Variants in FBXO21 observed in about 807,000 individuals in gnomAD.
FBXO21 encodes F-box protein 21.
Under a neutral mutation model 76.6 loss-of-function variants are expected in FBXO21, and 32 were observed. The observed-to-expected ratio is 0.42, with a 90% CI of 0.32 to 0.56. The LOEUF (loss-of-function observed/expected upper bound fraction) is 0.56, where lower values mean the gene tolerates loss of function less well. Ranked by LOEUF, FBXO21 falls within the 20% of genes least tolerant of loss-of-function variation. FBXO21 has a pLI of 0.16. For missense variants in FBXO21, 586 were observed against 797.3 expected (o/e 0.73, Z 3.19); for synonymous variants, 328 against 311.5 (o/e 1.05, Z -0.56).
At chr12:117,164,278 T>C (rs914192301) in intron 9 of FBXO21, among the ~76,000 whole-genome samples, 7 of 99,252 alleles carry the variant, frequency 7.1e-5, no homozygotes, top group South Asian at 2.5e-4. Flanking sequence ...TCTTTTCTTT[T>C]TTTTTTTTTT....
chr12:117,165,552 G>A lies in FBXO21; in HGVS notation c.1259C>T (p.Pro420Leu), dbSNP rs753409877. ...GAGGAGGAGAAGCTGCACCTGGTCC[G>A]GGTACATTGCCAGATAGAGATCCAG... ...DSLDLYLAMYPDQVQLLLLQA... is the reference protein window; with the variant it reads ...DSLDLYLAMYLDQVQLLLLQA... Residue 420 changes from proline to leucine, a missense_variant, in exon 9 of 12, where the codon CCG becomes CTG. Pro to Leu is a moderately conservative substitution (Grantham distance 98, BLOSUM62 -3). Transcript: ENST00000622495. The A allele has an allele frequency of 1.9e-6, 3 of 1,613,876 alleles. No individual in the cohort carries two copies. The highest frequency in any genetic ancestry group is 2.5e-6 in the Non-Finnish European group (3 of 1,179,854).
intron 2 of FBXO21, chr12:117,188,652 TA>T (rs5801222): frequency 0.44 from 62,283 of 142,188 alleles, 14,006 homozygotes; most frequent in Admixed American, 0.58. Flanking sequence ...CTGCAATACT[TA>T]AAAAAAAAAA....
intron 4 of FBXO21, among the ~76,000 whole-genome samples, chr12:117,176,409 C>A (rs1956174233): frequency 6.6e-6 from 1 of 152,104 alleles, no homozygotes. Flanking sequence ...TAGACAATGG[C>A]CTGGCTGGAG....
rs1250042536 is a variant in FBXO21, at chr12:117,145,846, C to A, written c.*241G>T. 1 of 360,492 alleles carries A rather than the reference C, an allele frequency of 2.8e-6. No individual in the cohort carries two copies. The highest frequency in any genetic ancestry group is 5.0e-6 in the Non-Finnish European group (1 of 200,676). 22.3% of individuals were successfully genotyped at this position (360,492 alleles called of 1,614,324 possible). ...TGTCACCACAGGACAAGCATACAAGCCATGCCACTGACACAGTGCCTTTCA... is the reference window on the plus strand; with the variant it reads ...TGTCACCACAGGACAAGCATACAAGACATGCCACTGACACAGTGCCTTTCA... On this transcript the variant is annotated 3_prime_UTR_variant, in exon 12 of 12. Coordinates refer to ENST00000622495, the MANE Select transcript of FBXO21 (RefSeq NM_015002.3).
Position 117,155,773 on chromosome 12 carries a change from G to A in FBXO21, c.1675+18C>T. The A allele has an allele frequency of 6.2e-7, 1 of 1,606,740 alleles. No individual in the cohort carries two copies. ...CACGCCCGCGGGGCCACTGGCACAA[G>A]CGGAACCCGCCGCTTACCTTGGGCT... is the stretch of plus-strand genomic sequence containing the variant. On this transcript the variant is annotated intron_variant, in intron 11 of 11. Transcript: ENST00000622495.
At chr12:117,171,974 C>T (rs1266607102) in intron 7 of FBXO21, among the ~76,000 whole-genome samples, 2 of 152,208 alleles carry the variant, frequency 1.3e-5, no homozygotes, top group African/African-American at 4.8e-5. Flanking sequence ...TGAAGGGGAA[C>T]GTGGCCACCC....
intron 2 of FBXO21, 143 bp from the exon 3 acceptor site, chr12:117,186,714 T>G (rs931171897): frequency 8.0e-5 from 45 of 563,996 alleles, no homozygotes; most frequent in Non-Finnish European, 1.3e-4. Context: ...CTACCAGTCA[T>G]GGGTAGAAAA....
rs1382236678 is a variant in FBXO21 at position 117,144,078 on chromosome 12, A to G, written c.*2009T>C. On this transcript the variant is annotated 3_prime_UTR_variant, in exon 12 of 12. Coordinates refer to ENST00000622495, the MANE Select transcript of FBXO21 (RefSeq NM_015002.3). ...AGCCCCATGAAGCATTCATGAAGAA[A>G]GACATTTAAAAACAGTCTAGATACA... The G allele has an allele frequency of 6.6e-6, 1 of 152,632 alleles. No individual in the cohort carries two copies. The highest frequency in any genetic ancestry group is 1.5e-5 in the Non-Finnish European group (1 of 68,032). 9.5% of individuals were successfully genotyped at this position (152,632 alleles called of 1,614,324 possible).
intron 7 of FBXO21, among the ~76,000 whole-genome samples, chr12:117,169,925 A>T (rs1249481703): frequency 6.6e-6 from 1 of 152,218 alleles, no homozygotes; most frequent in African/African-American, 2.4e-5. Context: ...AAGAGAAAGA[A>T]ACAAATATAT....
rs773039757 is a variant in FBXO21 at position 117,189,369 on chromosome 12, GGAGA to G, written c.240-11_240-8del. ...TTTCATAAGGGAAGGCCACCTACGA[GGAGA>G]GAAACACCCCCTCAGCTTAACAGAA... is the stretch of plus-strand genomic sequence containing the variant. On this transcript the variant is annotated splice_region_variant and splice_polypyrimidine_tract_variant and intron_variant, in intron 1 of 11. Coordinates refer to ENST00000622495, the MANE Select transcript of FBXO21 (RefSeq NM_015002.3). The G allele has an allele frequency of 4.3e-6, 7 of 1,613,962 alleles. No individual in the cohort carries two copies. The highest frequency in any genetic ancestry group is 4.2e-6 in the Non-Finnish European group (5 of 1,180,002).
intron 1 of FBXO21, among the ~76,000 whole-genome samples, chr12:117,189,938 AGC>A (rs1437245659): frequency 6.6e-6 from 1 of 152,180 alleles, no homozygotes; most frequent in Non-Finnish European, 1.5e-5. Flanking sequence ...GCACAAAAGA[AGC>A]GCGCAAAAGG....
intron 6 of FBXO21, 109 bp downstream of exon 6, chr12:117,174,096 C>A: frequency 1.1e-6 from 1 of 908,582 alleles, no homozygotes; most frequent in South Asian, 1.6e-5. Flanking sequence ...ATGATCGCGC[C>A]ACTGCATTCC....
chr12:117,157,363 T>C (rs1446969090), intron 10 of FBXO21, among the ~76,000 whole-genome samples: 1 of 152,170 alleles, frequency 6.6e-6, no homozygotes, highest in African/African-American at 2.4e-5. Flanking sequence ...CTCAGGTAAG[T>C]ACACTTTTAA....
intron 9 of FBXO21, among the ~76,000 whole-genome samples, chr12:117,159,296 G>A (rs985660109): frequency 5.5e-5 from 8 of 146,326 alleles, no homozygotes; most frequent in African/African-American, 2.0e-4. Flanking sequence ...TCTTCAAATT[G>A]GGAGGATTAG....
At chr12:117,170,145 G>GAAAAA (rs58416861) in intron 7 of FBXO21, among the ~76,000 whole-genome samples, 3 of 64,684 alleles carry the variant, frequency 4.6e-5, no homozygotes, top group African/African-American at 6.2e-5. Context: ...ATTTACAACT[G>GAAAAA]AAAAAAAAAA....
Position 117,146,182 on chromosome 12 carries a change from C to T in FBXO21, c.1771G>A (p.Ala591Thr), listed in dbSNP as rs773253554. 17 of 1,613,906 alleles carry T rather than the reference C, an allele frequency of 1.1e-5. No homozygotes were observed. The highest frequency in any genetic ancestry group is 2.2e-5 in the South Asian group (2 of 91,068). ...EFTGTHYIPN[A>T]ELEIRYPEDL... ...TCTGGATACCGGATCTCCAGCTCTGCGTTTGGGATGTAGTGAGTGCCAGTA... is the reference window on the plus strand; with the variant it reads ...TCTGGATACCGGATCTCCAGCTCTGTGTTTGGGATGTAGTGAGTGCCAGTA... The change falls in exon 12 of 12, where the codon GCA becomes ACA. Residue 591 changes from alanine (A) to threonine (T), a missense_variant. By Grantham distance (58) the Ala-to-Thr change is moderately conservative. Transcript: ENST00000622495.
chr12:117,169,265 T>A (rs1414636006), intron 7 of FBXO21, among the ~76,000 whole-genome samples: 1 of 152,184 alleles, frequency 6.6e-6, no homozygotes, highest in Non-Finnish European at 1.5e-5. Flanking sequence ...AAGTGGGAAC[T>A]ATGTGATGAG....
intron 4 of FBXO21, among the ~76,000 whole-genome samples, chr12:117,176,109 T>C (rs1188911090): frequency 1.3e-5 from 2 of 152,182 alleles, no homozygotes; most frequent in African/African-American, 4.8e-5. Flanking sequence ...ACACTAAGCA[T>C]TGTGAGGTAT....
Position 117,146,079 on chromosome 12 carries a change from TC to T in FBXO21, c.*7del. Reference sequence around the variant, plus strand: ...GCAGCAGCAAAGGTGCAATGTCCTCTCTAGACTTTACTCATCTATGTTCTCT... The same window carrying T: ...GCAGCAGCAAAGGTGCAATGTCCTCTTAGACTTTACTCATCTATGTTCTCT... On this transcript the variant is annotated 3_prime_UTR_variant, in exon 12 of 12. Transcript: ENST00000622495. 1 of 1,581,610 alleles carries T rather than the reference TC, an allele frequency of 6.3e-7. No homozygotes were observed. The highest frequency in any genetic ancestry group is 8.6e-7 in the Non-Finnish European group (1 of 1,166,396).
Sources: allele counts gnomAD v4.1 joint callset (sites outside exome capture counted in the v4.1 genomes callset), GRCh38; gene constraint gnomAD v4.1.1; transcripts MANE v1.5; gene names NCBI Gene and HGNC (gene_info 2026-07-23, HGNC 2026-07-21).